The following SLC13A3 variants were observed in gnomAD, a reference collection of about 807,000 sequenced individuals.
The protein encoded by SLC13A3 is Na(+)/dicarboxylate cotransporter 3.
In SLC13A3, 40 loss-of-function variants were observed where a neutral mutation model predicts 59.0. The observed-to-expected ratio is 0.68, with a 90% CI of 0.53 to 0.88. SLC13A3 has a LOEUF of 0.88. SLC13A3 is among the 40% of genes least tolerant of loss of function. The pLI is 0.00. For missense variants in SLC13A3, 699 were observed against 783.2 expected (o/e 0.89, Z 1.28); for synonymous variants, 317 against 330.3 (o/e 0.96, Z 0.44).
At chr20:46,599,779 C>G (rs2062353963) in intron 4 of SLC13A3, among the ~76,000 whole-genome samples, 192 bp downstream of exon 4, 1 of 152,010 alleles carries the variant, frequency 6.6e-6, no homozygotes, top group African/African-American at 2.4e-5. Context: ...CTTTCCATGT[C>G]TGCATTTTTT....
At chr20:46,585,173 T>G in intron 8 of SLC13A3, 1 of 984,918 alleles carries the variant, frequency 1.0e-6, no homozygotes, top group Non-Finnish European at 1.2e-6. Flanking sequence ...TAAGTCCAAA[T>G]GGCAAGTTGT....
At chr20:46,607,091 C>A (rs372833621) in intron 3 of SLC13A3, among the ~76,000 whole-genome samples, 12 of 152,236 alleles carry the variant, frequency 7.9e-5, no homozygotes, top group East Asian at 3.8e-4. Flanking sequence ...CAGAGCTCAG[C>A]AAATCATCGT....
upstream of SLC13A3, among the ~76,000 whole-genome samples, chr20:46,653,562 C>T (rs577010934): frequency 6.6e-6 from 1 of 152,318 alleles, no homozygotes; most frequent in South Asian, 2.1e-4. Flanking sequence ...GTTGGACAAG[C>T]TTGTCAGAAG....
chr20:46,646,383 T>C (rs544368901), intron 1 of SLC13A3, among the ~76,000 whole-genome samples: 20 of 152,338 alleles, frequency 1.3e-4, no homozygotes, highest in Middle Eastern at 3.4e-3. Context: ...GAAGAGTAAA[T>C]GAGCTGAAAT....
intron 1 of SLC13A3, among the ~76,000 whole-genome samples, chr20:46,642,262 G>T (rs545651424): frequency 1.3e-5 from 2 of 152,228 alleles, no homozygotes; most frequent in Non-Finnish European, 2.9e-5. Context: ...GGGACAGGTG[G>T]GCAGGAGCTG....
intron 2 of SLC13A3, 52 bp from the exon 3 acceptor site, chr20:46,610,661 T>A: frequency 1.4e-6 from 2 of 1,406,304 alleles, no homozygotes; most frequent in Non-Finnish European, 9.7e-7. Flanking sequence ...GCCCAGGAGA[T>A]CCTCTGGTCC....
chr20:46,560,673 TGTACACATAG>T (rs1469977664), intron 12 of SLC13A3, among the ~76,000 whole-genome samples: 2 of 152,056 alleles, frequency 1.3e-5, no homozygotes, highest in African/African-American at 4.8e-5. Context: ...AACACACATA[TGTACACATAG>T]GTACACACAC....
In SLC13A3 at chr20:46,583,616, A is replaced by G; in HGVS notation, c.1175T>C (p.Phe392Ser). Residue 392 changes from phenylalanine (F) to serine (S), a missense_variant, in exon 9 of 13, where the codon TTC becomes TCC. Physicochemically the swap from Phe to Ser is radical, Grantham distance 155 (BLOSUM62 -2). Transcript: ENST00000279027. ...CTTGAGAGAGGGCCTTTGGGACGGG[A>G]AGAAGAACAAGATGGTGACAATAGC... ...GVAIVTILFF[F>S]PSQRPSLKWW... 6.2e-7 allele frequency: 1 copy of G among 1,613,778 alleles called. No homozygotes were observed.
At position 46,589,039 on chromosome 20, in the gene SLC13A3, C is replaced by T. The variant is rs186699008; in HGVS notation, c.1016+121G>A. 1.3e-3 allele frequency: 1,046 copies of T among 822,100 alleles called. 7 individuals carry two copies. Among genetic ancestry groups the T allele is most frequent in the African/African-American group, 0.011 (622 of 58,620 alleles). The allele number at this position is 822,100 out of a possible 1,614,324, so 50.9% of individuals were successfully genotyped here. A position where few individuals can be genotyped will look rare whatever the true frequency, so the allele number is the denominator to read the frequency against. On this transcript the variant is annotated intron_variant, in intron 7 of 12. Transcript: ENST00000279027. Reference sequence around the variant, plus strand: ...CCCATCCTCCATCTCTAGGCTCCCACGCCACGGGTCCTGGAATTCCCCTGG... The same window carrying T: ...CCCATCCTCCATCTCTAGGCTCCCATGCCACGGGTCCTGGAATTCCCCTGG...
chr20:46,641,344 C>A (rs1173678965), intron 1 of SLC13A3, among the ~76,000 whole-genome samples: 2 of 152,166 alleles, frequency 1.3e-5, no homozygotes, highest in African/African-American at 4.8e-5. Flanking sequence ...TGCCATAGAG[C>A]ACACTATAAG....
rs2063163977 is a variant in SLC13A3, at chr20:46,683,572, C to CCAGCTCATCTATAAAA, written c.-31+808_-31+823dup. Among the ~76,000 whole-genome samples, 6 of 152,346 alleles carry CCAGCTCATCTATAAAA rather than the reference C, an allele frequency of 3.9e-5. No individual in the cohort carries two copies. In the South Asian group the frequency reaches 1.2e-3, roughly 32 times the overall value. ...ATGTAGATCAGACAGCACCTCCTCA[C>CCAGCTCATCTATAAAA]CAGCTCATCTATAAAACTCCCTTGC... On this transcript the variant is annotated intron_variant, in intron 1 of 6. Transcript: ENST00000372121.
intron 1 of SLC13A3, among the ~76,000 whole-genome samples, chr20:46,631,946 T>C (rs1426361252): frequency 1.3e-5 from 2 of 152,158 alleles, no homozygotes; most frequent in Non-Finnish European, 2.9e-5. Flanking sequence ...TCCAGGACCC[T>C]GGGGCAGGAA....
chr20:46,592,051 TA>T (rs887740014), intron 6 of SLC13A3, among the ~76,000 whole-genome samples: 17 of 148,210 alleles, frequency 1.1e-4, no homozygotes, highest in African/African-American at 1.7e-4. Context: ...TACAAAAAAT[TA>T]AAAAAAAAAA....
chr20:46,563,552 C>T lies in SLC13A3; in HGVS notation c.1495-1G>A, dbSNP rs776121656. 2 of 1,612,992 alleles carry T rather than the reference C, an allele frequency of 1.2e-6. No homozygotes were observed. The highest frequency in any genetic ancestry group is 1.7e-6 in the Non-Finnish European group (2 of 1,179,602). On this transcript the variant is annotated splice_acceptor_variant, in intron 11 of 12. Transcript: ENST00000279027. LOFTEE classifies it high-confidence loss of function. ...GGGGGTGCACTCTCAGGCGGATGGC[C>T]TGGGCCAGGAAAAGGTGGGAGAGAC...
chr20:46,640,778 GC>G (rs2062839936), intron 1 of SLC13A3, among the ~76,000 whole-genome samples: 1 of 152,178 alleles, frequency 6.6e-6, no homozygotes, highest in South Asian at 2.1e-4. Context: ...GGCCAGGTCT[GC>G]CCCTAGCTAG....
chr20:46,660,415 G>C (rs747207912), intron 1 of SLC13A3, among the ~76,000 whole-genome samples: 10 of 152,034 alleles, frequency 6.6e-5, no homozygotes, highest in Non-Finnish European at 1.2e-4. Context: ...ATTCCATTGT[G>C]TTCAAGTTTC....
intron 8 of SLC13A3, chr20:46,584,394 T>A: frequency 1.0e-6 from 1 of 985,426 alleles, no homozygotes; most frequent in Non-Finnish European, 1.2e-6. Flanking sequence ...AAGGAATTGG[T>A]TAAATAAATT....
At chr20:46,560,244 C>T (rs2061919729) in intron 12 of SLC13A3, 46 bp from the exon 13 acceptor site, 3 of 1,571,314 alleles carry the variant, frequency 1.9e-6, no homozygotes, top group East Asian at 2.2e-5. Flanking sequence ...CCTGACCCAC[C>T]ATACAGATGG....
At chr20:46,664,837 G>A (rs2063052821) in intron 1 of SLC13A3, among the ~76,000 whole-genome samples, 1 of 152,152 alleles carries the variant, frequency 6.6e-6, no homozygotes. Context: ...CAGGAAGAAA[G>A]AGAAGTCAAA....
Sources: gnomAD v4.1 joint callset for allele counts (sites outside exome capture counted in the v4.1 genomes callset) on GRCh38, gnomAD v4.1.1 for gene constraint, MANE v1.5 for transcripts, NCBI Gene and HGNC (gene_info 2026-07-23, HGNC 2026-07-21) for gene names.